The following POPDC1 variants were observed in gnomAD, a reference collection of about 807,000 sequenced individuals.
The protein encoded by POPDC1 is popeye domain-containing protein 1.
At chr6:105,131,314 C>A in the POPDC1 span, among the ~76,000 whole-genome samples, 1 of 152,020 alleles carries the variant, frequency 6.6e-6, no homozygotes, top group Non-Finnish European at 1.5e-5. Flanking sequence ...TTAAAGGAGA[C>A]AAGGTATATA....
chr6:105,127,787 G>A, the POPDC1 span, among the ~76,000 whole-genome samples: 4 of 151,314 alleles, frequency 2.6e-5, no homozygotes, highest in Non-Finnish European at 5.9e-5. Flanking sequence ...TGAGACAAAA[G>A]TGTTGCTCTG....
chr6:105,126,657 T>G, the POPDC1 span, among the ~76,000 whole-genome samples: 2 of 152,196 alleles, frequency 1.3e-5, no homozygotes, highest in Non-Finnish European at 2.9e-5. Flanking sequence ...TACTAACTTT[T>G]AAATATGGCA....
At chr6:105,128,349 T>C in the POPDC1 span, among the ~76,000 whole-genome samples, 4 of 152,340 alleles carry the variant, frequency 2.6e-5, no homozygotes, top group Admixed American at 6.5e-5. Context: ...TGGGTGTTTC[T>C]CTTTTGCTCT....
At chr6:105,112,000 T>C in the POPDC1 span, among the ~76,000 whole-genome samples, 1 of 152,174 alleles carries the variant, frequency 6.6e-6, no homozygotes, top group East Asian at 1.9e-4. Context: ...ACCATGGGGA[T>C]GAACTCAGCA....
chr6:105,120,919 T>A, the POPDC1 span, among the ~76,000 whole-genome samples: 1 of 152,200 alleles, frequency 6.6e-6, no homozygotes, highest in Admixed American at 6.5e-5. Flanking sequence ...GCTTATTGAG[T>A]TCTCCTAAGC....
chr6:105,108,792 C>G, the POPDC1 span, among the ~76,000 whole-genome samples: 1 of 152,190 alleles, frequency 6.6e-6, no homozygotes. Flanking sequence ...GCACAATAAT[C>G]TCAACATTGT....
the POPDC1 span, among the ~76,000 whole-genome samples, chr6:105,105,283 A>G: frequency 6.6e-6 from 1 of 152,154 alleles, no homozygotes; most frequent in Admixed American, 6.5e-5. Context: ...TGTCACTTCC[A>G]GGGACTACCT....
the POPDC1 span, among the ~76,000 whole-genome samples, chr6:105,127,422 G>T: frequency 1.3e-5 from 2 of 152,104 alleles, no homozygotes; most frequent in Admixed American, 6.6e-5. Flanking sequence ...TTCATGATCT[G>T]CTCATCCCGT....
chr6:105,123,157 TA>T, the POPDC1 span, among the ~76,000 whole-genome samples: 1 of 152,216 alleles, frequency 6.6e-6, no homozygotes, highest in Non-Finnish European at 1.5e-5. Flanking sequence ...CCTCAGGTAG[TA>T]ATAGCCTCTT....
the POPDC1 span, among the ~76,000 whole-genome samples, chr6:105,124,996 ACTCT>A: frequency 1.6e-4 from 25 of 151,798 alleles, no homozygotes; most frequent in Non-Finnish European, 3.5e-4. Flanking sequence ...ACAGAGACTG[ACTCT>A]CTCCCCAAAA....
chr6:105,134,371 A>T, the POPDC1 span, among the ~76,000 whole-genome samples: 1 of 152,090 alleles, frequency 6.6e-6, no homozygotes. Flanking sequence ...CATTTTACAC[A>T]TGCTTATATA....
At chr6:105,105,176 C>T in the POPDC1 span, among the ~76,000 whole-genome samples, 1 of 152,102 alleles carries the variant, frequency 6.6e-6, no homozygotes, top group Non-Finnish European at 1.5e-5. Flanking sequence ...TGAGAATCTG[C>T]AATCCCCCCC....
At chr6:105,116,691 G>T in the POPDC1 span, 2 of 1,560,654 alleles carry the variant, frequency 1.3e-6, no homozygotes, top group Non-Finnish European at 1.7e-6. Context: ...TAAACTCAGA[G>T]AACACTTACT....
the POPDC1 span, chr6:105,124,441 G>C: frequency 5.9e-5 from 36 of 611,256 alleles, no homozygotes; most frequent in Middle Eastern, 9.0e-4. Context: ...ATGGTAACTT[G>C]TTTTTCCCCC....
At chr6:105,102,772 C>G in the POPDC1 span, among the ~76,000 whole-genome samples, 1 of 152,190 alleles carries the variant, frequency 6.6e-6, no homozygotes, top group Non-Finnish European at 1.5e-5. Flanking sequence ...ATTAACTGTA[C>G]AGTCACTGCC....
At chr6:105,111,649 A>G in the POPDC1 span, among the ~76,000 whole-genome samples, 1 of 152,230 alleles carries the variant, frequency 6.6e-6, no homozygotes, top group Non-Finnish European at 1.5e-5. Flanking sequence ...AGGCTGTCTC[A>G]TGACTTCACT....
chr6:105,134,068 C>G, the POPDC1 span, among the ~76,000 whole-genome samples: 3 of 152,058 alleles, frequency 2.0e-5, no homozygotes, highest in Non-Finnish European at 4.4e-5. Flanking sequence ...TATGAATACC[C>G]TCACATCTAT....
At chr6:105,119,962 T>C in the POPDC1 span, among the ~76,000 whole-genome samples, 12 of 151,990 alleles carry the variant, frequency 7.9e-5, no homozygotes, top group African/African-American at 2.9e-4. Context: ...TACAGGCCCA[T>C]AAAAACATGG....
the POPDC1 span, among the ~76,000 whole-genome samples, chr6:105,125,732 T>G: frequency 6.6e-6 from 1 of 152,100 alleles, no homozygotes; most frequent in South Asian, 2.1e-4. Context: ...ACACAGCAAG[T>G]GAAATGGTGA....
Sources: allele counts gnomAD v4.1 joint callset (sites outside exome capture counted in the v4.1 genomes callset), GRCh38; gene constraint gnomAD v4.1.1; transcripts MANE v1.5; gene names NCBI Gene and HGNC (gene_info 2026-07-23, HGNC 2026-07-21).